Variants in CACNA2D1 observed in about 807,000 individuals in gnomAD.
The protein encoded by CACNA2D1 is voltage-dependent calcium channel subunit alpha-2/delta-1.
In CACNA2D1, 53 loss-of-function variants were observed where a neutral mutation model predicts 171.5. The observed-to-expected ratio is 0.31, with a 90% CI of 0.25 to 0.39. The LOEUF is 0.39. Among genes scored for constraint, CACNA2D1 ranks in the 10% least tolerant of loss-of-function variants. The pLI, the probability that CACNA2D1 is intolerant of heterozygous loss-of-function variation, is 1.00. For synonymous variants in CACNA2D1, 442 were observed against 443.1 expected, an observed-to-expected ratio of 1.00 and a Z score of 0.03; for missense variants, 903 against 1,299.8, an observed-to-expected ratio of 0.69 and a Z score of 4.69.
chr7:82,054,992 A>C (rs745349326), intron 10 of CACNA2D1, among the ~76,000 whole-genome samples: 41 of 152,232 alleles, frequency 2.7e-4, no homozygotes, highest in Non-Finnish European at 5.4e-4. Flanking sequence ...TAAGAAAGCC[A>C]GAAAACCTGT....
intron 3 of CACNA2D1, among the ~76,000 whole-genome samples, chr7:82,176,031 A>T (rs1028822346): frequency 6.6e-6 from 1 of 152,022 alleles, no homozygotes; most frequent in East Asian, 1.9e-4. Flanking sequence ...AGCATATGCA[A>T]TTCAGGGAAT....
At chr7:82,073,400 C>T (rs956976042) in intron 7 of CACNA2D1, among the ~76,000 whole-genome samples, 1 of 151,974 alleles carries the variant, frequency 6.6e-6, no homozygotes, top group African/African-American at 2.4e-5. Context: ...TTAGGTGATA[C>T]GAGGCATACA....
At chr7:81,962,072 G>T in intron 35 of CACNA2D1, 49 bp from the exon 36 acceptor site, 3 of 1,577,900 alleles carry the variant, frequency 1.9e-6, no homozygotes, top group South Asian at 1.1e-5. Flanking sequence ...ATTAGGAGGG[G>T]TCTCTGTAGT....
Position 81,947,662 on chromosome 7 carries a change from T to C in CACNA2D1, c.*2730A>G, listed in dbSNP as rs1792144802. 6.6e-6 allele frequency: 1 copy of C among 151,990 alleles called. No individual in the cohort carries two copies. Among genetic ancestry groups the C allele is most frequent in the Non-Finnish European group, 1.5e-5 (1 of 67,878 alleles). 9.4% of individuals were successfully genotyped at this position (151,990 alleles called of 1,614,324 possible). A position where few individuals can be genotyped will look rare whatever the true frequency, so the allele number is the denominator to read the frequency against. On this transcript the variant is annotated 3_prime_UTR_variant, in exon 39 of 39. Transcript: ENST00000356860. Reference sequence around the variant, plus strand: ...ATTAGTTAAAGCAGTGTATAAACTTTTTTATTGATCTGTTGTACTGTTCAG... The same window carrying C: ...ATTAGTTAAAGCAGTGTATAAACTTCTTTATTGATCTGTTGTACTGTTCAG...
chr7:82,193,937 T>G (rs1405407706), intron 3 of CACNA2D1, among the ~76,000 whole-genome samples: 3 of 152,066 alleles, frequency 2.0e-5, no homozygotes, highest in Non-Finnish European at 4.4e-5. Flanking sequence ...TGTCATATTT[T>G]TAAAAGCATC....
Position 81,949,516 on chromosome 7 carries a change from A to C in CACNA2D1, c.*876T>G, listed in dbSNP as rs1484860285. 1 of 152,174 alleles carries C rather than the reference A, an allele frequency of 6.6e-6. No homozygotes were observed. Among genetic ancestry groups the C allele is most frequent in the Non-Finnish European group, 1.5e-5 (1 of 68,090 alleles). 9.4% of individuals were successfully genotyped at this position (152,174 alleles called of 1,614,324 possible). ...CATGCAAAATACCCTTGGTAAACCA[A>C]AGTTCATTTATCACAAGAAAAACAT... On this transcript the variant is annotated 3_prime_UTR_variant, in exon 39 of 39. Coordinates refer to ENST00000356860, the MANE Select transcript of CACNA2D1 (RefSeq NM_000722.4).
intron 11 of CACNA2D1, among the ~76,000 whole-genome samples, chr7:82,036,623 T>C (rs1219677130): frequency 1.3e-5 from 2 of 152,172 alleles, no homozygotes; most frequent in Admixed American, 1.3e-4. Context: ...TGGATGATGA[T>C]TTAGCACTCA....
chr7:82,257,117 GT>G (rs1400117457), intron 3 of CACNA2D1, among the ~76,000 whole-genome samples: 1 of 152,128 alleles, frequency 6.6e-6, no homozygotes, highest in East Asian at 1.9e-4. Flanking sequence ...TTTGTGTCAA[GT>G]TTTAACATTT....
intron 7 of CACNA2D1, among the ~76,000 whole-genome samples, chr7:82,071,943 G>T (rs558457994): frequency 3.3e-5 from 5 of 152,256 alleles, no homozygotes; most frequent in African/African-American, 1.2e-4. Context: ...GACAGATGAG[G>T]ACAACAACCT....
chr7:82,370,949 T>C (rs951328152), intron 1 of CACNA2D1, among the ~76,000 whole-genome samples: 30 of 152,290 alleles, frequency 2.0e-4, no homozygotes, highest in African/African-American at 7.2e-4. Flanking sequence ...AACAGACTTA[T>C]CCAAATGTAT....
intron 3 of CACNA2D1, among the ~76,000 whole-genome samples, chr7:82,301,730 TACACACAC>T (rs4018910): frequency 3.3e-3 from 465 of 142,264 alleles, no homozygotes; most frequent in African/African-American, 7.4e-3. Context: ...TGGTAAATAA[TACACACAC>T]ACACACACAC....
rs772699849 is a variant in CACNA2D1 at position 81,959,356 on chromosome 7, A to G, written c.3078T>C (p.Ser1026=). 6.2e-7 allele frequency: 1 copy of G among 1,601,210 alleles called. No homozygotes were observed. The highest frequency in any genetic ancestry group is 1.1e-5 in the South Asian group (1 of 90,878). ...TRLLIQAEQT[S]DGPNPCDMVK... ...CCATGTCACAAGGATTTGGACCGTC[A>G]GCTAAAAGAGACTTGTTAAGGAATC... The change falls in exon 38 of 39, where the codon TCT becomes TCC. Residue 1026 remains serine (S), a splice_region_variant and synonymous_variant. Coordinates refer to ENST00000356860, the MANE Select transcript of CACNA2D1 (RefSeq NM_000722.4).
intron 3 of CACNA2D1, among the ~76,000 whole-genome samples, chr7:82,262,724 A>C (rs965921197): frequency 1.2e-4 from 18 of 152,078 alleles, no homozygotes; most frequent in African/African-American, 4.3e-4. Flanking sequence ...TCTCTCATGA[A>C]ACAAGCCATA....
chr7:82,332,895 A>AC (rs1178674396), intron 3 of CACNA2D1, among the ~76,000 whole-genome samples: 3 of 152,144 alleles, frequency 2.0e-5, no homozygotes, highest in Non-Finnish European at 2.9e-5. Context: ...GCTACTTGGA[A>AC]GGCTGAGGTG....
chr7:82,102,815 G>C lies in CACNA2D1; in HGVS notation c.526+14229C>G, dbSNP rs76579069. ...ACCACATATTACCACCCTGCTGCAG[G>C]TTAGAAAGGGTGCATAATCCTATGT... On this transcript the variant is annotated intron_variant, in intron 6 of 38. Transcript: ENST00000356860. 5.9e-5 allele frequency among the ~76,000 whole-genome samples: 9 copies of C among 152,244 alleles called. No homozygotes were observed. In the East Asian group the frequency reaches 1.7e-3, roughly 29 times the overall value.
intron 3 of CACNA2D1, among the ~76,000 whole-genome samples, chr7:82,324,353 CAAA>C (rs796381675): frequency 9.0e-5 from 7 of 77,372 alleles, no homozygotes; most frequent in Non-Finnish European, 1.8e-4. Flanking sequence ...AGCCAAACTC[CAAA>C]AAAAAAAAAA....
Position 82,192,399 on chromosome 7 carries a change from AATATATAT to A in CACNA2D1, c.295-21798_295-21791del, listed in dbSNP as rs57832901. Among the ~76,000 whole-genome samples, 296 of 146,558 alleles carry A rather than the reference AATATATAT, an allele frequency of 2.0e-3. 2 individuals carry two copies. The highest frequency in any genetic ancestry group is 5.8e-3 in the African/African-American group (230 of 39,514). On this transcript the variant is annotated intron_variant, in intron 3 of 38. Coordinates refer to ENST00000356860, the MANE Select transcript of CACNA2D1 (RefSeq NM_000722.4). Reference sequence around the variant, plus strand: ...TATCTAGTTAACAAAAAACAGGGGAAATATATATATATATATATATATGTCTATATGTC... The same window carrying A: ...TATCTAGTTAACAAAAAACAGGGGAAATATATATATATATGTCTATATGTC...
chr7:82,030,169 G>C (rs2131125111), intron 12 of CACNA2D1, among the ~76,000 whole-genome samples: 1 of 151,924 alleles, frequency 6.6e-6, no homozygotes, highest in East Asian at 1.9e-4. Flanking sequence ...TGTATTTCAA[G>C]ATAATGATAT....
At chr7:82,314,599 G>A (rs1319742013) in intron 3 of CACNA2D1, among the ~76,000 whole-genome samples, 3 of 151,984 alleles carry the variant, frequency 2.0e-5, no homozygotes, top group Non-Finnish European at 2.9e-5. Flanking sequence ...TCACTCAAAC[G>A]TTTGCATGCC....
Sources: gnomAD v4.1 joint callset for allele counts (sites outside exome capture counted in the v4.1 genomes callset) on GRCh38, gnomAD v4.1.1 for gene constraint, MANE v1.5 for transcripts, NCBI Gene and HGNC (gene_info 2026-07-23, HGNC 2026-07-21) for gene names.